Variants in SLC25A21 observed in about 807,000 individuals in gnomAD.
SLC25A21 encodes the protein mitochondrial 2-oxodicarboxylate carrier.
Under a neutral mutation model 43.8 loss-of-function variants are expected in SLC25A21, and 47 were observed. That is an observed-to-expected ratio of 1.07 (90% confidence interval 0.85 to 1.37). The LOEUF (loss-of-function observed/expected upper bound fraction) is 1.37. SLC25A21 is among the 40% of genes most tolerant of loss of function. The pLI, the probability that SLC25A21 is intolerant of heterozygous loss-of-function variation, is 0.00. For synonymous variants in SLC25A21, 131 were observed against 121.3 expected (o/e 1.08, Z -0.52); for missense variants, 352 against 350.2 (o/e 1.00, Z -0.04).
At chr14:36,827,707 G>T (rs1411588162) in intron 2 of SLC25A21, among the ~76,000 whole-genome samples, 1 of 152,098 alleles carries the variant, frequency 6.6e-6, no homozygotes, top group Non-Finnish European at 1.5e-5. Flanking sequence ...GTCAGGTTAG[G>T]TTTCAGTTAA....
At chr14:37,033,447 A>G (rs1415322903) in intron 1 of SLC25A21, among the ~76,000 whole-genome samples, 2 of 152,238 alleles carry the variant, frequency 1.3e-5, no homozygotes, top group Non-Finnish European at 2.9e-5. Context: ...ATAAGGTACT[A>G]TAAGAAAAAT....
chr14:36,815,484 G>C (rs1028544362), intron 2 of SLC25A21, among the ~76,000 whole-genome samples: 3 of 152,124 alleles, frequency 2.0e-5, no homozygotes, highest in Admixed American at 6.6e-5. Flanking sequence ...ATCGCTACTC[G>C]GTGATGGAAC....
At chr14:36,793,744 A>G (rs1738793738) in intron 3 of SLC25A21, among the ~76,000 whole-genome samples, 1 of 152,170 alleles carries the variant, frequency 6.6e-6, no homozygotes, top group Non-Finnish European at 1.5e-5. Flanking sequence ...AACACCAAGC[A>G]TAATAAAATA....
At chr14:37,001,598 T>C (rs1304533744) in intron 1 of SLC25A21, among the ~76,000 whole-genome samples, 1 of 152,290 alleles carries the variant, frequency 6.6e-6, no homozygotes, top group African/African-American at 2.4e-5. Flanking sequence ...TTTTCTTCCT[T>C]CTTTCCTTTT....
At chr14:36,989,122 T>C (rs1402958645) in intron 1 of SLC25A21, among the ~76,000 whole-genome samples, 1 of 152,220 alleles carries the variant, frequency 6.6e-6, no homozygotes, top group African/African-American at 2.4e-5. Context: ...AGTTCTCACT[T>C]GGATAAAGGG....
At chr14:36,684,341 T>C (rs1882431289) in intron 8 of SLC25A21, among the ~76,000 whole-genome samples, 1 of 152,214 alleles carries the variant, frequency 6.6e-6, no homozygotes, top group African/African-American at 2.4e-5. Flanking sequence ...AAAATGCACA[T>C]ACTTTAAATT....
intron 1 of SLC25A21, among the ~76,000 whole-genome samples, chr14:37,030,334 A>G (rs1961184211): frequency 6.6e-6 from 1 of 152,066 alleles, no homozygotes. Context: ...ACACAGAAAT[A>G]GACCTGATCA....
At chr14:36,800,705 T>C (rs1353160434) in intron 3 of SLC25A21, among the ~76,000 whole-genome samples, 1 of 152,142 alleles carries the variant, frequency 6.6e-6, no homozygotes. Flanking sequence ...CTGAACTGTA[T>C]GCTTAAAAAA....
chr14:36,792,341 C>T (rs1355582823), intron 3 of SLC25A21, among the ~76,000 whole-genome samples: 2 of 152,084 alleles, frequency 1.3e-5, no homozygotes, highest in African/African-American at 4.8e-5. Flanking sequence ...TAACAGAGGC[C>T]TGTAAAATTC....
intron 1 of SLC25A21, among the ~76,000 whole-genome samples, chr14:37,076,333 G>C (rs1368314235): frequency 6.7e-6 from 1 of 150,302 alleles, no homozygotes; most frequent in Non-Finnish European, 1.5e-5. Context: ...GCGAATTTTT[G>C]TATTTTTAGT....
At chr14:37,094,858 G>T (rs1030177862) in intron 1 of SLC25A21, among the ~76,000 whole-genome samples, 3 of 152,122 alleles carry the variant, frequency 2.0e-5, no homozygotes, top group Non-Finnish European at 2.9e-5. Context: ...ATTTCAGTTG[G>T]ATAAGAGGAA....
intron 7 of SLC25A21, among the ~76,000 whole-genome samples, chr14:36,702,197 C>T (rs2139171700): frequency 6.6e-6 from 1 of 152,208 alleles, no homozygotes; most frequent in Non-Finnish European, 1.5e-5. Context: ...ACCAGCAACA[C>T]TCATTCTTAA....
At chr14:37,130,689 T>C (rs1963377727) in intron 1 of SLC25A21, among the ~76,000 whole-genome samples, 1 of 152,234 alleles carries the variant, frequency 6.6e-6, no homozygotes, top group African/African-American at 2.4e-5. Flanking sequence ...TGAGACAGAC[T>C]TACAGCCAGA....
At chr14:36,842,492 T>A (rs1256206344) in intron 2 of SLC25A21, among the ~76,000 whole-genome samples, 2 of 152,104 alleles carry the variant, frequency 1.3e-5, no homozygotes, top group Non-Finnish European at 2.9e-5. Context: ...CTTTGCAAAG[T>A]CACAAAGGCT....
chr14:36,984,649 A>G (rs1960105161), intron 1 of SLC25A21, among the ~76,000 whole-genome samples: 1 of 151,858 alleles, frequency 6.6e-6, no homozygotes, highest in Non-Finnish European at 1.5e-5. Context: ...CTCATTTTTT[A>G]CCTGGTGATT....
At chr14:36,892,560 T>A (rs891611721) in intron 1 of SLC25A21, among the ~76,000 whole-genome samples, 4 of 152,060 alleles carry the variant, frequency 2.6e-5, no homozygotes, top group Non-Finnish European at 4.4e-5. Flanking sequence ...CTTTTTTTTT[T>A]ATTATACTTT....
intron 3 of SLC25A21, among the ~76,000 whole-genome samples, chr14:36,799,508 G>T (rs1887792209): frequency 6.6e-6 from 1 of 152,114 alleles, no homozygotes; most frequent in Non-Finnish European, 1.5e-5. Context: ...AAATGTAAAG[G>T]TCATATTATA....
chr14:37,135,883 C>T (rs780570528), intron 1 of SLC25A21, among the ~76,000 whole-genome samples: 9 of 152,184 alleles, frequency 5.9e-5, no homozygotes, highest in Non-Finnish European at 1.3e-4. Context: ...CCTGGTTCTG[C>T]TCTTATCTTA....
intron 2 of SLC25A21, among the ~76,000 whole-genome samples, chr14:36,827,285 T>C (rs1388348071): frequency 6.6e-6 from 1 of 152,192 alleles, no homozygotes; most frequent in African/African-American, 2.4e-5. Context: ...CTGTGGTTTT[T>C]CTGTTGGCTC....
Sources: gnomAD v4.1 joint callset for allele counts (sites outside exome capture counted in the v4.1 genomes callset) on GRCh38, gnomAD v4.1.1 for gene constraint, MANE v1.5 for transcripts, NCBI Gene and HGNC (gene_info 2026-07-23, HGNC 2026-07-21) for gene names.